The following MARCHF1 variants were observed in gnomAD, a reference collection of about 807,000 sequenced individuals.
MARCHF1 encodes the protein membrane associated ring-CH-type finger 1, also known as E3 ubiquitin-protein ligase MARCHF1.
MARCHF1 carries 40 observed loss-of-function variants against 54.2 expected under a neutral mutation model. The ratio of observed to expected loss-of-function variants is 0.74; its 90% CI spans 0.57 to 0.96. MARCHF1 has a LOEUF of 0.96. Among genes scored for constraint, MARCHF1 ranks in the 40% least tolerant of loss-of-function variants. The pLI is 0.00. For synonymous variants in MARCHF1, 236 were observed against 236.3 expected (o/e 1.00, Z 0.01); for missense variants, 586 against 656.5 (o/e 0.89, Z 1.17).
intron 2 of MARCHF1, among the ~76,000 whole-genome samples, chr4:164,077,806 A>G (rs1216642386): frequency 6.6e-6 from 1 of 152,238 alleles, no homozygotes; most frequent in Non-Finnish European, 1.5e-5. Flanking sequence ...GTCATTAGAG[A>G]AATGCAAATC....
intron 1 of MARCHF1, among the ~76,000 whole-genome samples, chr4:164,153,202 C>T (rs1199959232): frequency 6.6e-6 from 1 of 152,086 alleles, no homozygotes; most frequent in Non-Finnish European, 1.5e-5. Flanking sequence ...AACAGAAACA[C>T]ACAAATCTTC....
At chr4:163,627,664 A>G (rs934120104) in intron 5 of MARCHF1, among the ~76,000 whole-genome samples, 1 of 149,518 alleles carries the variant, frequency 6.7e-6, no homozygotes, top group Non-Finnish European at 1.5e-5. Context: ...TGTTCTTTAA[A>G]AAGAGTAGTC....
intron 5 of MARCHF1, among the ~76,000 whole-genome samples, chr4:163,626,312 T>G (rs923115043): frequency 6.6e-6 from 1 of 152,244 alleles, no homozygotes; most frequent in Non-Finnish European, 1.5e-5. Context: ...CTATTGCCAA[T>G]TGGCCTTGGC....
intron 1 of MARCHF1, among the ~76,000 whole-genome samples, chr4:164,358,589 A>G (rs1730630439): frequency 6.6e-6 from 1 of 152,208 alleles, no homozygotes; most frequent in African/African-American, 2.4e-5. Flanking sequence ...GAGAAAGTGA[A>G]AGGAGATATT....
rs569012423 is a variant in MARCHF1, at chr4:164,043,025, A to G, written c.-247-54316T>C. 1.4e-4 allele frequency among the ~76,000 whole-genome samples: 22 copies of G among 152,280 alleles called. 1 individual carries two copies. Among genetic ancestry groups the G allele is most frequent in the African/African-American group, 5.1e-4 (21 of 41,572 alleles). On this transcript the variant is annotated intron_variant, in intron 2 of 9. Coordinates refer to ENST00000514618, the MANE Select transcript of MARCHF1 (RefSeq NM_001394959.1). ...CTCTGCCTCCATAGCTCTGTAAGGT[A>G]CAGCCCCTGTGGCTGCTTTCATGGG...
intron 3 of MARCHF1, among the ~76,000 whole-genome samples, chr4:163,953,476 C>G (rs1038302455): frequency 1.3e-5 from 2 of 152,138 alleles, no homozygotes; most frequent in Non-Finnish European, 2.9e-5. Flanking sequence ...GGTAGATTCA[C>G]AATGACTTTT....
chr4:163,930,112 A>C (rs926121278), intron 3 of MARCHF1, among the ~76,000 whole-genome samples: 1 of 149,300 alleles, frequency 6.7e-6, no homozygotes, highest in Admixed American at 6.8e-5. Flanking sequence ...AAATTTTGTC[A>C]AGTATTTTAA....
chr4:164,135,710 A>G (rs765153791), intron 1 of MARCHF1, among the ~76,000 whole-genome samples: 4 of 152,248 alleles, frequency 2.6e-5, no homozygotes, highest in Non-Finnish European at 5.9e-5. Flanking sequence ...GCTAGACTAT[A>G]TCAGCCATCA....
At chr4:163,647,287 G>C (rs1235367953) in intron 5 of MARCHF1, among the ~76,000 whole-genome samples, 2 of 152,006 alleles carry the variant, frequency 1.3e-5, no homozygotes, top group East Asian at 3.9e-4. Context: ...GATCTGGAGG[G>C]AGAGATAGAC....
Position 163,612,532 on chromosome 4 carries a change from C to T in MARCHF1, c.749G>A (p.Gly250Glu), listed in dbSNP as rs151184934. 52 of 1,535,318 alleles carry T rather than the reference C, an allele frequency of 3.4e-5. No individual in the cohort carries two copies. In the African/African-American group the frequency reaches 6.6e-4, roughly 19 times the overall value. Residue 250 changes from glycine to glutamate, a missense_variant, in exon 7 of 10, where the codon GGG becomes GAG. By Grantham distance (98) the Gly-to-Glu change is moderately conservative. Around this residue, in one of 3 missense-constraint regions of MARCHF1, gnomAD observed 387 missense variants for 394.6 expected, o/e 0.98. Coordinates refer to ENST00000514618, the MANE Select transcript of MARCHF1 (RefSeq NM_001394959.1). Reference protein sequence around the residue: ...YQECNPSLTQGSSEIKRSSRN... With the variant: ...YQECNPSLTQESSEIKRSSRN... ...TGAGGATCTCTTAATTTCAGAGGAC[C>T]CTTGAGTCAGAGAAGGGTTGCATTC...
chr4:163,953,001 T>A lies in MARCHF1; in HGVS notation c.-39+35500A>T, dbSNP rs1182446240. On this transcript the variant is annotated intron_variant, in intron 3 of 9. Transcript: ENST00000514618. ...CAAAGAAAGATAAAGTCAAGAGGAA[T>A]GAAATGAAAGACAATGTCATGTCCA... Among the ~76,000 whole-genome samples the A allele has an allele frequency of 1.1e-4, 17 of 152,114 alleles. 1 individual carries two copies. The highest frequency in any genetic ancestry group is 1.1e-3 in the Admixed American group (17 of 15,276).
chr4:163,931,863 T>C (rs1357989077), intron 3 of MARCHF1, among the ~76,000 whole-genome samples: 1 of 152,150 alleles, frequency 6.6e-6, no homozygotes, highest in East Asian at 1.9e-4. Flanking sequence ...ATTTACCAAA[T>C]CTCCATAATG....
chr4:163,570,753 T>A (rs1427057208), intron 8 of MARCHF1, among the ~76,000 whole-genome samples: 2 of 152,156 alleles, frequency 1.3e-5, no homozygotes, highest in East Asian at 3.9e-4. Context: ...TCTGCGATTT[T>A]CACTTCATTT....
At chr4:164,169,558 T>G (rs1211674720) in intron 1 of MARCHF1, among the ~76,000 whole-genome samples, 2 of 152,102 alleles carry the variant, frequency 1.3e-5, no homozygotes, top group Admixed American at 6.6e-5. Flanking sequence ...CTAAACATGG[T>G]CTTATTTTAA....
At chr4:163,976,600 C>T (rs947212386) in intron 3 of MARCHF1, among the ~76,000 whole-genome samples, 14 of 152,144 alleles carry the variant, frequency 9.2e-5, no homozygotes, top group African/African-American at 2.4e-4. Context: ...GCCTCAATGA[C>T]GTCTGGTGAT....
chr4:163,742,209 C>T (rs1050345267), intron 4 of MARCHF1, among the ~76,000 whole-genome samples: 1 of 152,112 alleles, frequency 6.6e-6, no homozygotes, highest in Non-Finnish European at 1.5e-5. Context: ...CTGTGTTCAT[C>T]GATTGTGCTC....
chr4:163,544,569 G>A (rs1292414251), intron 9 of MARCHF1, among the ~76,000 whole-genome samples: 1 of 152,146 alleles, frequency 6.6e-6, no homozygotes, highest in African/African-American at 2.4e-5. Flanking sequence ...GCACGCTGGC[G>A]TGTGCTGCTG....
intron 3 of MARCHF1, among the ~76,000 whole-genome samples, chr4:163,925,262 A>C (rs1028686441): frequency 6.6e-6 from 1 of 151,864 alleles, no homozygotes; most frequent in African/African-American, 2.4e-5. Flanking sequence ...TCATACCCGA[A>C]GCCATTCAGA....
At chr4:164,042,126 G>T (rs1372593436) in intron 2 of MARCHF1, among the ~76,000 whole-genome samples, 8 of 151,998 alleles carry the variant, frequency 5.3e-5, no homozygotes, top group African/African-American at 1.7e-4. Flanking sequence ...GTTTACCATT[G>T]TCTTCTATCT....
Sources: gnomAD v4.1 joint callset for allele counts (sites outside exome capture counted in the v4.1 genomes callset) on GRCh38, gnomAD v4.1.1 for gene constraint, gnomAD v4.1.1 regional missense constraint, MANE v1.5 for transcripts, NCBI Gene and HGNC (gene_info 2026-07-23, HGNC 2026-07-21) for gene names.